The following CFI variants were observed in gnomAD, a reference collection of about 807,000 sequenced individuals.
CFI encodes the protein complement factor I, also known as C3B/C4B inactivator.
Under a neutral mutation model 78.8 loss-of-function variants are expected in CFI, and 66 were observed. The observed-to-expected ratio is 0.84, with a 90% CI of 0.69 to 1.03. The LOEUF (loss-of-function observed/expected upper bound fraction) is 1.03, where lower values mean the gene tolerates loss of function less well. Among genes scored for constraint, CFI ranks in the 50% least tolerant of loss-of-function variants. CFI has a pLI of 0.00. For missense variants in CFI, 706 were observed against 704.5 expected, an observed-to-expected ratio of 1.00 and a Z score of -0.02; for synonymous variants, 250 against 232.6, an observed-to-expected ratio of 1.07 and a Z score of -0.68.
intron 1 of CFI, among the ~76,000 whole-genome samples, chr4:109,787,054 C>A (rs1258285900): frequency 6.6e-6 from 1 of 152,032 alleles, no homozygotes; most frequent in Non-Finnish European, 1.5e-5. Context: ...GAAGAACCAG[C>A]CCTTCTGAGC....
intron 12 of CFI, chr4:109,741,342 T>A: frequency 1.0e-6 from 1 of 985,470 alleles, no homozygotes; most frequent in Non-Finnish European, 1.2e-6. Flanking sequence ...CTTCCTGTGT[T>A]CTCTACTTTA....
chr4:109,777,275 G>A (rs555533713), intron 1 of CFI, among the ~76,000 whole-genome samples: 3 of 152,272 alleles, frequency 2.0e-5, no homozygotes, highest in African/African-American at 7.2e-5. Flanking sequence ...AGGGATGGAG[G>A]AAGATCTACC....
rs369454697 is a variant in CFI at position 109,769,077 on chromosome 4, G to A, written c.58-2253C>T. On this transcript the variant is annotated intron_variant, in intron 1 of 12. Transcript: ENST00000394634. ...GTATCTTCCACTGACCAGCTTGCAA[G>A]TGTCCTGACAGCAGGTTTTATTTAT... is the stretch of plus-strand genomic sequence containing the variant. 5.9e-5 allele frequency among the ~76,000 whole-genome samples: 9 copies of A among 152,268 alleles called. No individual in the cohort carries two copies. In the East Asian group the frequency reaches 1.4e-3, roughly 23 times the overall value.
chr4:109,756,897 G>GAA (rs1281698340), intron 7 of CFI, among the ~76,000 whole-genome samples: 1 of 21,928 alleles, frequency 4.6e-5, no homozygotes, highest in Admixed American at 4.0e-4. Context: ...AGGAAAGAAA[G>GAA]AAAGAAAGAA....
chr4:109,780,135 A>C (rs1290543937), intron 1 of CFI, among the ~76,000 whole-genome samples: 2 of 152,326 alleles, frequency 1.3e-5, no homozygotes, highest in African/African-American at 2.4e-5. Flanking sequence ...CAAAAGCCAA[A>C]ATTGACAAAT....
At chr4:109,762,028 C>G (rs947524102) in intron 3 of CFI, 5 of 295,436 alleles carry the variant, frequency 1.7e-5, no homozygotes, top group Non-Finnish European at 3.3e-5. Context: ...CTATCTCTAC[C>G]AAAAATACAA....
At chr4:109,733,546 G>T in the CFI span, among the ~76,000 whole-genome samples, 16 of 152,158 alleles carry the variant, frequency 1.1e-4, no homozygotes, top group African/African-American at 3.6e-4. Context: ...CATAAGTATG[G>T]CTTGGTCCAG....
At chr4:109,766,881 G>A (rs1727834729) in intron 1 of CFI, 57 bp from the exon 2 acceptor site, 1 of 1,574,938 alleles carries the variant, frequency 6.3e-7, no homozygotes, top group African/African-American at 1.3e-5. Context: ...CCTGTTTGAA[G>A]ATGAGTAAGT....
At chr4:109,750,083 G>A (rs1456158204) in intron 8 of CFI, among the ~76,000 whole-genome samples, 3 of 151,872 alleles carry the variant, frequency 2.0e-5, no homozygotes, top group South Asian at 4.2e-4. Flanking sequence ...TGCAACCTCC[G>A]CCTCCCGGGT....
At chr4:109,749,383 G>A in intron 9 of CFI, 62 bp from the exon 10 acceptor site, 1 of 1,526,760 alleles carries the variant, frequency 6.5e-7, no homozygotes, top group Non-Finnish European at 9.1e-7. Flanking sequence ...ACAGCCCTAA[G>A]ATATTTCCAT....
chr4:109,746,140 C>G, intron 11 of CFI, 82 bp downstream of exon 11: 1 of 1,480,828 alleles, frequency 6.8e-7, no homozygotes, highest in Non-Finnish European at 9.4e-7. Context: ...TCTCTGAGTG[C>G]TAGGAAATTA....
chr4:109,769,659 C>T (rs962753774), intron 1 of CFI, among the ~76,000 whole-genome samples: 2 of 152,198 alleles, frequency 1.3e-5, no homozygotes, highest in Non-Finnish European at 2.9e-5. Context: ...CAGTACCTCT[C>T]CTCCAGCTGG....
intron 1 of CFI, among the ~76,000 whole-genome samples, chr4:109,767,370 G>T (rs1029339498): frequency 6.6e-6 from 1 of 151,604 alleles, no homozygotes; most frequent in Non-Finnish European, 1.5e-5. Context: ...GAAAATTTTT[G>T]CAATCTACTC....
intron 1 of CFI, among the ~76,000 whole-genome samples, chr4:109,779,130 C>G: frequency 6.6e-6 from 1 of 152,042 alleles, no homozygotes; most frequent in East Asian, 1.9e-4. Flanking sequence ...AAGTTCTGAA[C>G]AGGGCAATCA....
intron 7 of CFI, among the ~76,000 whole-genome samples, chr4:109,755,136 A>G (rs1302039472): frequency 6.6e-6 from 1 of 152,228 alleles, no homozygotes; most frequent in Admixed American, 6.5e-5. Flanking sequence ...TGAACCAGTG[A>G]AAGAACAGAG....
rs1723720557 is a variant in CFI, at chr4:109,741,004, C to A, written c.1641G>T (p.Gly547=). 1 of 1,614,126 alleles carries A rather than the reference C, an allele frequency of 6.2e-7. No individual in the cohort carries two copies. The highest frequency in any genetic ancestry group is 1.3e-5 in the African/African-American group (1 of 75,022). Residue 547 remains glycine (G), a synonymous_variant, in exon 13 of 13, where the codon GGG becomes GGT. Coordinates refer to ENST00000394634, the MANE Select transcript of CFI (RefSeq NM_000204.5). The part of the protein sequence containing the change: ...VTYVWGVVSW[G]ENCGKPEFPG... ...GGAACTCTGGTTTTCCACAGTTTTC[C>A]CCCCAACTCACAACACCCCAGACAT...
chr4:109,744,763 A>C (rs893751262), intron 11 of CFI, among the ~76,000 whole-genome samples: 2 of 152,134 alleles, frequency 1.3e-5, no homozygotes, highest in African/African-American at 4.8e-5. Flanking sequence ...CTCCATTGAG[A>C]CCCCAATTAA....
intron 8 of CFI, among the ~76,000 whole-genome samples, chr4:109,751,171 G>T (rs966749532): frequency 6.6e-6 from 1 of 152,040 alleles, no homozygotes. Context: ...CTTAGACTTT[G>T]GGGGCTGATT....
chr4:109,734,921 G>C, the CFI span, among the ~76,000 whole-genome samples: 1 of 152,088 alleles, frequency 6.6e-6, no homozygotes, highest in South Asian at 2.1e-4. Context: ...TAAATACCTT[G>C]GAATGGGAGA....
Sources: allele counts gnomAD v4.1 joint callset (sites outside exome capture counted in the v4.1 genomes callset), GRCh38; gene constraint gnomAD v4.1.1; transcripts MANE v1.5; gene names NCBI Gene and HGNC (gene_info 2026-07-23, HGNC 2026-07-21).